Variants in PVT1 observed in about 807,000 individuals in gnomAD.
The protein encoded by PVT1 is CXCR4/PVT1 fusion.
chr8:127,873,056 G>C (rs1318477342), intron 2 of PVT1, among the ~76,000 whole-genome samples: 1 of 152,056 alleles, frequency 6.6e-6, no homozygotes, highest in Non-Finnish European at 1.5e-5. Flanking sequence ...GCTGGTGTTG[G>C]CCTGCTCTGG....
intron 4 of PVT1, among the ~76,000 whole-genome samples, chr8:128,000,651 T>C (rs1166874908): frequency 6.6e-6 from 1 of 152,228 alleles, no homozygotes; most frequent in East Asian, 1.9e-4. Flanking sequence ...CCCATTTGCC[T>C]CCTGTGCCTG....
At chr8:127,998,999 G>A (rs1817143104) in intron 4 of PVT1, 1 of 152,174 alleles carries the variant, frequency 6.6e-6, no homozygotes, top group African/African-American at 2.4e-5. Context: ...ACTGGAGAAA[G>A]GACTTAGAAT....
chr8:127,914,834 T>TGAG (rs1815961753), intron 3 of PVT1, among the ~76,000 whole-genome samples: 2 of 148,954 alleles, frequency 1.3e-5, no homozygotes, highest in Non-Finnish European at 3.0e-5. Context: ...TTTTTTTTTT[T>TGAG]GAGACCGAGT....
chr8:128,000,428 G>T (rs1368780746), intron 4 of PVT1, among the ~76,000 whole-genome samples: 2 of 152,216 alleles, frequency 1.3e-5, no homozygotes, highest in African/African-American at 4.8e-5. Flanking sequence ...GCCAGCACCT[G>T]CTCTGAATGG....
At chr8:127,880,334 A>AG (rs915542594) in intron 2 of PVT1, among the ~76,000 whole-genome samples, 1 of 152,040 alleles carries the variant, frequency 6.6e-6, no homozygotes, top group African/African-American at 2.4e-5. Flanking sequence ...TCTGTCCCCC[A>AG]GGCTGGAGTG....
intron 2 of PVT1, among the ~76,000 whole-genome samples, chr8:127,829,054 G>A (rs1387332256): frequency 6.6e-6 from 1 of 152,110 alleles, no homozygotes; most frequent in Non-Finnish European, 1.5e-5. Context: ...AGCACTTTGG[G>A]AAGCTGAGGT....
chr8:127,980,526 T>G (rs1586465348), intron 3 of PVT1, among the ~76,000 whole-genome samples: 1 of 152,024 alleles, frequency 6.6e-6, no homozygotes, highest in East Asian at 1.9e-4. Context: ...GAGACTTGAA[T>G]GGATATGGGA....
intron 2 of PVT1, among the ~76,000 whole-genome samples, chr8:127,824,727 C>T (rs1445322165): frequency 1.3e-5 from 2 of 152,042 alleles, no homozygotes; most frequent in Non-Finnish European, 2.9e-5. Context: ...AAAGAGCAAG[C>T]TTTTAGGTAT....
At chr8:127,813,852 G>A (rs886471968) in intron 2 of PVT1, among the ~76,000 whole-genome samples, 4 of 152,118 alleles carry the variant, frequency 2.6e-5, no homozygotes, top group Middle Eastern at 3.2e-3. Flanking sequence ...GCACGATCTC[G>A]GCTCACTGCA....
chr8:127,914,554 G>C (rs12156131), intron 3 of PVT1, among the ~76,000 whole-genome samples: 13 of 152,300 alleles, frequency 8.5e-5, no homozygotes, highest in Admixed American at 7.8e-4. Flanking sequence ...GAACAACCCA[G>C]ATGTCCAATG....
chr8:127,877,429 A>G (rs1815418160), intron 2 of PVT1, among the ~76,000 whole-genome samples: 1 of 152,012 alleles, frequency 6.6e-6, no homozygotes, highest in South Asian at 2.1e-4. Context: ...ATTTCCTTTC[A>G]TCCTCCTTAT....
intron 2 of PVT1, among the ~76,000 whole-genome samples, chr8:127,865,677 A>G (rs1403790288): frequency 6.6e-6 from 1 of 152,224 alleles, no homozygotes; most frequent in Non-Finnish European, 1.5e-5. Flanking sequence ...GCTAACACTC[A>G]GTGAGACCCA....
chr8:127,844,086 C>CGTT (rs746988156), intron 2 of PVT1, among the ~76,000 whole-genome samples: 11 of 151,854 alleles, frequency 7.2e-5, no homozygotes, highest in Non-Finnish European at 1.2e-4. Flanking sequence ...GGGTTCATGC[C>CGTT]GTTCTCCTGC....
At chr8:127,872,523 T>C (rs1161772979) in intron 2 of PVT1, among the ~76,000 whole-genome samples, 1 of 152,220 alleles carries the variant, frequency 6.6e-6, no homozygotes, top group Non-Finnish European at 1.5e-5. Flanking sequence ...TTATTATGCA[T>C]TGTGTGCCTC....
intron 2 of PVT1, among the ~76,000 whole-genome samples, chr8:127,824,189 G>A (rs1335905738): frequency 6.6e-6 from 1 of 152,150 alleles, no homozygotes; most frequent in African/African-American, 2.4e-5. Flanking sequence ...TCAAAAAAAA[G>A]GAACTATCTG....
At chr8:127,860,764 CAAAAAAAAAA>C (rs1224612475) in intron 2 of PVT1, among the ~76,000 whole-genome samples, 1 of 63,154 alleles carries the variant, frequency 1.6e-5, no homozygotes, top group South Asian at 6.3e-4. Flanking sequence ...GACCCAATCT[CAAAAAAAAAA>C]AAAAAAAAAA....
intron 3 of PVT1, among the ~76,000 whole-genome samples, chr8:127,931,055 C>G (rs532672835): frequency 3.2e-4 from 48 of 152,132 alleles, no homozygotes; most frequent in Non-Finnish European, 6.5e-4. Flanking sequence ...CAGGTGCGCT[C>G]CACCACACCC....
At chr8:128,044,217 C>A in intron 4 of PVT1, among the ~76,000 whole-genome samples, 1 of 98,870 alleles carries the variant, frequency 1.0e-5, no homozygotes, top group East Asian at 4.1e-4. Context: ...GCACCTCCAT[C>A]TCCCCTTTTT....
chr8:127,934,105 C>T (rs1816243987), intron 3 of PVT1, among the ~76,000 whole-genome samples: 1 of 152,166 alleles, frequency 6.6e-6, no homozygotes, highest in Non-Finnish European at 1.5e-5. Context: ...CTCCTTTTCC[C>T]TAGTATGGGC....
Sources: allele counts gnomAD v4.1 joint callset (sites outside exome capture counted in the v4.1 genomes callset), GRCh38; gene constraint gnomAD v4.1.1; transcripts MANE v1.5; gene names NCBI Gene and HGNC (gene_info 2026-07-23, HGNC 2026-07-21).